The following CHSY3 variants were observed in gnomAD, a reference collection of about 807,000 sequenced individuals.
The protein encoded by CHSY3 is N-acetylgalactosaminyl-proteoglycan 3-beta-glucuronosyltransferase 3.
In CHSY3, 35 loss-of-function variants were observed where a neutral mutation model predicts 67.2. The ratio of observed to expected loss-of-function variants is 0.52; its 90% CI spans 0.40 to 0.69. The LOEUF (loss-of-function observed/expected upper bound fraction) is 0.69, where lower values mean the gene tolerates loss of function less well. Ranked by LOEUF, CHSY3 falls within the 30% of genes least tolerant of loss-of-function variation. The pLI, the probability that CHSY3 is intolerant of heterozygous loss-of-function variation, is 0.00. For synonymous variants in CHSY3, 474 were observed against 434.7 expected (o/e 1.09, Z -1.12); for missense variants, 1,069 against 1,138.5 (o/e 0.94, Z 0.88).
At chr5:130,099,548 G>A (rs896039654) in intron 2 of CHSY3, among the ~76,000 whole-genome samples, 31 of 152,218 alleles carry the variant, frequency 2.0e-4, no homozygotes, top group Admixed American at 1.6e-3. Context: ...GTACGCGAAT[G>A]TGTGAGAATG....
intron 2 of CHSY3, among the ~76,000 whole-genome samples, chr5:129,939,018 A>T (rs1761608082): frequency 6.6e-6 from 1 of 152,186 alleles, no homozygotes; most frequent in African/African-American, 2.4e-5. Flanking sequence ...ATTTATGAAG[A>T]AAAGAGGTTT....
chr5:130,160,997 C>G (rs557401458), intron 2 of CHSY3, among the ~76,000 whole-genome samples: 1 of 151,444 alleles, frequency 6.6e-6, no homozygotes, highest in Non-Finnish European at 1.5e-5. Flanking sequence ...CTCCACCTCC[C>G]GGGTTCAAGC....
At chr5:129,911,492 T>C (rs932116181) in intron 2 of CHSY3, among the ~76,000 whole-genome samples, 1 of 152,316 alleles carries the variant, frequency 6.6e-6, no homozygotes, top group Non-Finnish European at 1.5e-5. Context: ...AAATAATCCA[T>C]GTAAAGCCCT....
chr5:130,113,540 C>G (rs1767664615), intron 2 of CHSY3, among the ~76,000 whole-genome samples: 1 of 152,064 alleles, frequency 6.6e-6, no homozygotes, highest in Non-Finnish European at 1.5e-5. Context: ...ATAGACGTAA[C>G]AGTTAGAAAA....
chr5:129,984,949 A>G (rs547120133), intron 2 of CHSY3, among the ~76,000 whole-genome samples: 1 of 152,282 alleles, frequency 6.6e-6, no homozygotes, highest in South Asian at 2.1e-4. Context: ...ATAATATCCA[A>G]ATAATTTCTC....
intron 2 of CHSY3, among the ~76,000 whole-genome samples, chr5:130,170,052 T>C (rs1289174472): frequency 6.6e-6 from 1 of 152,120 alleles, no homozygotes; most frequent in East Asian, 1.9e-4. Flanking sequence ...TGTGTACTAG[T>C]AGGGACAGGG....
intron 2 of CHSY3, among the ~76,000 whole-genome samples, chr5:130,033,071 G>A (rs562728034): frequency 2.0e-5 from 3 of 152,276 alleles, no homozygotes; most frequent in Non-Finnish European, 4.4e-5. Context: ...ACAGCTGGAG[G>A]CTGCCAACTA....
chr5:130,045,421 T>G (rs1398553001), intron 2 of CHSY3, among the ~76,000 whole-genome samples: 2 of 151,906 alleles, frequency 1.3e-5, no homozygotes, highest in East Asian at 3.9e-4. Context: ...AACAAAGTGT[T>G]TAGAATGGAG....
chr5:130,141,429 G>A, intron 2 of CHSY3: 1 of 363,426 alleles, frequency 2.8e-6, no homozygotes, highest in South Asian at 2.5e-5. Flanking sequence ...GCATCCCATG[G>A]TGTTCCTTTG....
chr5:130,068,920 A>G (rs1428376048), intron 2 of CHSY3, among the ~76,000 whole-genome samples: 1 of 152,122 alleles, frequency 6.6e-6, no homozygotes, highest in Non-Finnish European at 1.5e-5. Context: ...AGCAGAGTCT[A>G]TTGCCAGTCT....
chr5:130,184,964 C>T lies in CHSY3; in HGVS notation c.1822C>T (p.Gln608Ter), dbSNP rs746694417. Residue 608 changes from glutamine to a stop codon, truncating the protein, a stop_gained, in exon 3 of 3, where the codon CAA becomes TAA. Transcript: ENST00000305031. LOFTEE classifies it high-confidence loss of function. ...TTCTTTAAAGATATTATCTTCTTTT[C>T]AAGGTGCCAAAGAAATGGGAGGGCA... ...SNSLKILSSF[Q>*]GAKEMGGHNE... 6.4e-7 allele frequency: 1 copy of T among 1,564,914 alleles called. No homozygotes were observed. Among genetic ancestry groups the T allele is most frequent in the Admixed American group, 1.7e-5 (1 of 59,884 alleles).
At chr5:130,068,134 C>T (rs1765943649) in intron 2 of CHSY3, among the ~76,000 whole-genome samples, 1 of 152,072 alleles carries the variant, frequency 6.6e-6, no homozygotes, top group African/African-American at 2.4e-5. Context: ...ATTTGTAATT[C>T]TTTATTGGTT....
chr5:130,097,355 T>C (rs1253063930), intron 2 of CHSY3, among the ~76,000 whole-genome samples: 1 of 152,212 alleles, frequency 6.6e-6, no homozygotes, highest in Non-Finnish European at 1.5e-5. Flanking sequence ...ACCCTGTTTT[T>C]CGCCTCCCTC....
In CHSY3 at chr5:130,184,544, T is replaced by C. The variant is rs748268643; in HGVS notation, c.1402T>C (p.Phe468Leu). 1 of 1,610,768 alleles carries C rather than the reference T, an allele frequency of 6.2e-7. No individual in the cohort carries two copies. Among genetic ancestry groups the C allele is most frequent in the Non-Finnish European group, 8.5e-7 (1 of 1,177,028 alleles). ...RERNEVIEWE[F>L]LTGKLLYSAA... ...GAGAAATGAAGTGATAGAATGGGAG[T>C]TCCTGACAGGGAAGCTTCTATACTC... The change falls in exon 3 of 3, where the codon TTC (phenylalanine) becomes CTC (leucine). Residue 468 changes from phenylalanine (F) to leucine (L), a missense_variant. Physicochemically the swap from Phe to Leu is conservative, Grantham distance 22. Around this residue, in one of 5 missense-constraint regions of CHSY3, gnomAD observed 401 missense variants for 395.2 expected, o/e 1.01. Coordinates refer to ENST00000305031, the MANE Select transcript of CHSY3 (RefSeq NM_175856.5).
intron 2 of CHSY3, among the ~76,000 whole-genome samples, chr5:129,978,067 A>C (rs936614659): frequency 6.6e-6 from 1 of 152,192 alleles, no homozygotes; most frequent in Admixed American, 6.5e-5. Flanking sequence ...TCCAGAAAGT[A>C]AATGTGTTAA....
chr5:129,920,518 ACAGGTGTGAGCTACCATGCC>A, intron 2 of CHSY3, among the ~76,000 whole-genome samples: 1 of 152,310 alleles, frequency 6.6e-6, no homozygotes, highest in South Asian at 2.1e-4. Flanking sequence ...TGCTGGGATT[ACAGGTGTGAGCTACCATGCC>A]CAGCCAAGGA....
At chr5:129,933,587 T>G (rs2149590209) in intron 2 of CHSY3, among the ~76,000 whole-genome samples, 2 of 152,276 alleles carry the variant, frequency 1.3e-5, no homozygotes, top group South Asian at 4.1e-4. Context: ...CTAAGTTAAT[T>G]TTACTTGTGT....
intron 2 of CHSY3, among the ~76,000 whole-genome samples, chr5:129,997,678 C>A (rs1763584433): frequency 6.6e-6 from 1 of 152,040 alleles, no homozygotes; most frequent in African/African-American, 2.4e-5. Flanking sequence ...CCCCAACAGG[C>A]CCCAGTGTGT....
chr5:129,974,487 A>T (rs1317896790), intron 2 of CHSY3, among the ~76,000 whole-genome samples: 5 of 152,140 alleles, frequency 3.3e-5, no homozygotes, highest in Middle Eastern at 3.2e-3. Flanking sequence ...AAGATCTAAA[A>T]CACTGGAATT....
Sources: allele counts gnomAD v4.1 joint callset (sites outside exome capture counted in the v4.1 genomes callset), GRCh38; gene constraint gnomAD v4.1.1; regional missense constraint gnomAD v4.1.1; transcripts MANE v1.5; gene names NCBI Gene and HGNC (gene_info 2026-07-23, HGNC 2026-07-21).